The following TG variants were observed in gnomAD, a reference collection of about 807,000 sequenced individuals.
TG encodes thyroglobulin, also known as thyroid hormones.
A neutral mutation model predicts 324.7 loss-of-function variants in TG; 270 were observed. The ratio of observed to expected loss-of-function variants is 0.83; its 90% CI spans 0.75 to 0.92. TG has a LOEUF of 0.92. TG is among the 40% of genes least tolerant of loss of function. The pLI, the probability that TG is intolerant of heterozygous loss-of-function variation, is 0.00. For synonymous variants in TG, 1,401 were observed against 1,327.0 expected (o/e 1.06, Z -1.21); for missense variants, 3,591 against 3,456.4 (o/e 1.04, Z -0.98).
At position 133,037,631 on chromosome 8, in the gene TG, T is replaced by TA. The variant is rs1262334579; in HGVS notation, c.7239+7609dup. ...AACACCTCTGTTGGGGGTTAGGACTTACGCATCTTTTTTTTTTTTTTGGCT... is the reference window on the plus strand; with the variant it reads ...AACACCTCTGTTGGGGGTTAGGACTTAACGCATCTTTTTTTTTTTTTTGGCT... On this transcript the variant is annotated intron_variant, in intron 41 of 47. Transcript: ENST00000220616. 2.7e-5 allele frequency: 4 copies of TA among 149,966 alleles called. No homozygotes were observed. In the South Asian group the frequency reaches 8.3e-4, roughly 31 times the overall value. 9.3% of individuals were successfully genotyped at this position (149,966 alleles called of 1,614,324 possible).
chr8:133,019,003 G>A (rs1217172877), intron 38 of TG, among the ~76,000 whole-genome samples: 1 of 152,242 alleles, frequency 6.6e-6, no homozygotes, highest in Non-Finnish European at 1.5e-5. Context: ...TACCATGTTA[G>A]GATGTACCCA....
At chr8:133,116,220 C>A in intron 44 of TG, among the ~76,000 whole-genome samples, 1 of 152,224 alleles carries the variant, frequency 6.6e-6, no homozygotes, top group East Asian at 1.9e-4. Context: ...TTCCATTCCA[C>A]AGTATATTGT....
Position 132,948,916 on chromosome 8 carries a change from C to G in TG, c.5374C>G (p.Arg1792Gly), listed in dbSNP as rs536801147. The G allele has an allele frequency of 3.7e-6, 6 of 1,613,744 alleles. No homozygotes were observed. Among genetic ancestry groups the G allele is most frequent in the Admixed American group, 1.7e-5 (1 of 60,004 alleles). The change falls in exon 27 of 48, where the codon CGT becomes GGT. Residue 1792 changes from arginine to glycine, a missense_variant. Coordinates refer to ENST00000220616, the MANE Select transcript of TG (RefSeq NM_003235.5). ...CCAGGAGAGCCACCAGGTGATATTGCGTCTTGGAGACCAGGAGTTCATCAA... is the reference window on the plus strand; with the variant it reads ...CCAGGAGAGCCACCAGGTGATATTGGGTCTTGGAGACCAGGAGTTCATCAA... Reference protein sequence around the residue: ...YDQESHQVILRLGDQEFIKSL... With the variant: ...YDQESHQVILGLGDQEFIKSL...
intron 35 of TG, among the ~76,000 whole-genome samples, chr8:132,995,999 T>C (rs1407376543): frequency 6.6e-6 from 1 of 152,148 alleles, no homozygotes; most frequent in Non-Finnish European, 1.5e-5. Context: ...GGAAGCACTT[T>C]ATGAGGCTGC....
intron 36 of TG, 123 bp from the exon 37 acceptor site, chr8:133,013,476 TG>T: frequency 8.3e-7 from 1 of 1,199,790 alleles, no homozygotes; most frequent in Non-Finnish European, 1.2e-6. Context: ...GATGCATGAT[TG>T]GATAGAAGGA....
At chr8:132,965,089 A>G (rs1180200863) in intron 29 of TG, among the ~76,000 whole-genome samples, 1 of 152,144 alleles carries the variant, frequency 6.6e-6, no homozygotes, top group Non-Finnish European at 1.5e-5. Context: ...TGTGCCAGGC[A>G]TGGTTCAATG....
Position 133,113,840 on chromosome 8 carries a change from T to C in TG, c.7754+237T>C, listed in dbSNP as rs374741975. ...CAAGCCAATGAGAGAAATGAGGGGGTGACTCTGGCTCTTCCTGGGCCATGA... is the reference window on the plus strand; with the variant it reads ...CAAGCCAATGAGAGAAATGAGGGGGCGACTCTGGCTCTTCCTGGGCCATGA... On this transcript the variant is annotated intron_variant, in intron 44 of 47. Transcript: ENST00000220616. Among the ~76,000 whole-genome samples the C allele has an allele frequency of 7.2e-5, 11 of 151,922 alleles. No individual in the cohort carries two copies. In the East Asian group the frequency reaches 1.4e-3, roughly 19 times the overall value.
intron 41 of TG, among the ~76,000 whole-genome samples, chr8:133,042,678 C>CCTTTTTTTTTTTTTTTTTTTTTTTT (rs1554706932): frequency 1.8e-5 from 1 of 56,732 alleles, no homozygotes. Flanking sequence ...CATTCTGTGT[C>CCTTTTTTTTTTTTTTTTTTTTTTTT]TTTTTTTTTT....
chr8:133,038,464 C>T, intron 41 of TG: 1 of 1,367,206 alleles, frequency 7.3e-7, no homozygotes, highest in Non-Finnish European at 1.0e-6. Flanking sequence ...TTCGCAAGAT[C>T]CCAGGCAATA....
intron 27 of TG, among the ~76,000 whole-genome samples, chr8:132,952,256 G>A (rs1391388245): frequency 6.6e-6 from 1 of 152,220 alleles, no homozygotes; most frequent in Non-Finnish European, 1.5e-5. Flanking sequence ...GTGGTGCTGA[G>A]CACAGCAGGC....
chr8:132,902,815 C>T (rs377099105), intron 16 of TG, among the ~76,000 whole-genome samples: 13 of 152,140 alleles, frequency 8.5e-5, no homozygotes, highest in African/African-American at 1.4e-4. Flanking sequence ...GCTCCTTTAG[C>T]GCTTAGGAAG....
rs1021326095 is a variant in TG, at chr8:132,882,853, G to A, written c.929G>A (p.Ser310Asn). The A allele has an allele frequency of 6.2e-7, 1 of 1,614,208 alleles. No homozygotes were observed. Among genetic ancestry groups the A allele is most frequent in the Non-Finnish European group, 8.5e-7 (1 of 1,180,036 alleles). ...KCEVERFTAT[S>N]FGHPYVPSCR... The stretch of plus-strand genomic sequence containing the variant: ...GAAGTGGAGCGGTTTACAGCAACCA[G>A]CTTTGGTCACCCCTATGTTCCAAGC... The change falls in exon 8 of 48, where the codon AGC becomes AAC. Residue 310 changes from serine (S) to asparagine (N), a missense_variant. Coordinates refer to ENST00000220616, the MANE Select transcript of TG (RefSeq NM_003235.5).
intron 40 of TG, among the ~76,000 whole-genome samples, chr8:133,024,863 A>G (rs1049773664): frequency 3.3e-5 from 5 of 151,144 alleles, no homozygotes; most frequent in Admixed American, 2.0e-4. Flanking sequence ...TAGTGCTGCA[A>G]TAAACATAAG....
intron 41 of TG, among the ~76,000 whole-genome samples, chr8:133,084,144 G>A (rs1846150880): frequency 6.6e-6 from 1 of 152,194 alleles, no homozygotes; most frequent in South Asian, 2.1e-4. Flanking sequence ...GCATTTACTG[G>A]AGGAAGGAGG....
chr8:132,926,042 C>G (rs906080117), intron 22 of TG, among the ~76,000 whole-genome samples: 10 of 152,178 alleles, frequency 6.6e-5, no homozygotes, highest in Admixed American at 3.9e-4. Context: ...TCTGGATATG[C>G]CTGGGGATTT....
At chr8:133,084,266 G>C (rs556226283) in intron 41 of TG, among the ~76,000 whole-genome samples, 12 of 152,284 alleles carry the variant, frequency 7.9e-5, no homozygotes, top group African/African-American at 2.2e-4. Flanking sequence ...CACTGCTCTA[G>C]CTCTTCTCCT....
chr8:133,010,801 CTG>C (rs1325162862), intron 35 of TG, among the ~76,000 whole-genome samples: 4 of 152,220 alleles, frequency 2.6e-5, no homozygotes, highest in Non-Finnish European at 4.4e-5. Context: ...CAAGCCATCT[CTG>C]TGGCTGCTAT....
intron 35 of TG, among the ~76,000 whole-genome samples, chr8:132,988,443 C>T (rs906945687): frequency 2.1e-4 from 31 of 146,714 alleles, no homozygotes; most frequent in Non-Finnish European, 3.2e-4. Context: ...GGGGCCAAAG[C>T]GTAAAGTGCA....
Position 133,048,019 on chromosome 8 carries a change from C to T in TG, c.7239+17996C>T, listed in dbSNP as rs1036947490. 2.5e-4 allele frequency: 179 copies of T among 726,368 alleles called. 1 individual carries two copies. The African/African-American group carries it at 2.8e-3, about 11-fold the overall frequency. 45.0% of individuals were successfully genotyped at this position (726,368 alleles called of 1,614,324 possible). On this transcript the variant is annotated intron_variant, in intron 41 of 47. Coordinates refer to ENST00000220616, the MANE Select transcript of TG (RefSeq NM_003235.5). Reference sequence around the variant, plus strand: ...AATGCGCCACCCACCGTACTAAGCACCTGAAACCTAATCCTCACCTCAACC... The same window carrying T: ...AATGCGCCACCCACCGTACTAAGCATCTGAAACCTAATCCTCACCTCAACC...
Sources: gnomAD v4.1 joint callset for allele counts (sites outside exome capture counted in the v4.1 genomes callset) on GRCh38, gnomAD v4.1.1 for gene constraint, MANE v1.5 for transcripts, NCBI Gene and HGNC (gene_info 2026-07-23, HGNC 2026-07-21) for gene names.